PDE11A: variants seen among roughly 807,000 people sequenced by gnomAD.
PDE11A encodes the protein dual 3',5'-cyclic-AMP and -GMP phosphodiesterase 11A.
In PDE11A, 100 loss-of-function variants were observed where a neutral mutation model predicts 100.5. The observed-to-expected ratio is 1.00, with a 90% CI of 0.85 to 1.18. The LOEUF is 1.18. PDE11A is among the 50% of genes most tolerant of loss of function. PDE11A has a pLI of 0.00. For synonymous variants in PDE11A, 381 were observed against 420.8 expected, an observed-to-expected ratio of 0.91 and a Z score of 1.16; for missense variants, 1,141 against 1,152.6, an observed-to-expected ratio of 0.99 and a Z score of 0.15.
chr2:177,675,934 G>C lies in PDE11A; in HGVS notation c.2424-416C>G, dbSNP rs572987530. The C allele has an allele frequency of 1.5e-5, 5 of 323,698 alleles. No homozygotes were observed. In the East Asian group the frequency reaches 3.2e-4, roughly 20 times the overall value. The allele number at this position is 323,698 out of a possible 1,614,324, so 20.1% of individuals were successfully genotyped here. A position where few individuals can be genotyped will look rare whatever the true frequency, so the allele number is the denominator to read the frequency against. On this transcript the variant is annotated intron_variant, in intron 16 of 19. Transcript: ENST00000286063. ...ACTACTTACCAACTTATCATTGATT[G>C]ATGGGAACAAAAGAAAACCCACACC...
intron 2 of PDE11A, among the ~76,000 whole-genome samples, chr2:177,953,457 T>C (rs191642398): frequency 7.0e-4 from 107 of 152,252 alleles, no homozygotes; most frequent in Non-Finnish European, 1.4e-3. Flanking sequence ...AAAGTGAATA[T>C]CCTGTTTTTA....
At chr2:177,681,444 C>T (rs184921641) in intron 15 of PDE11A, among the ~76,000 whole-genome samples, 3 of 152,094 alleles carry the variant, frequency 2.0e-5, no homozygotes, top group Non-Finnish European at 4.4e-5. Context: ...TTTAAACACT[C>T]GCTCAGCAAC....
chr2:177,942,345 C>T lies in PDE11A; in HGVS notation c.1072-37158G>A, dbSNP rs930855495. ...AACAGGACCTGGCACCTAACAAGTG[C>T]CCAGCAAATGTTAGCTATTATTCCT... On this transcript the variant is annotated intron_variant, in intron 2 of 19. Coordinates refer to ENST00000286063, the MANE Select transcript of PDE11A (RefSeq NM_016953.4). 1.5e-4 allele frequency among the ~76,000 whole-genome samples: 23 copies of T among 152,102 alleles called. 1 individual carries two copies. Among genetic ancestry groups the T allele is most frequent in the Non-Finnish European group, 2.5e-4 (17 of 68,024 alleles).
At chr2:177,743,111 G>A (rs529012696) in intron 10 of PDE11A, among the ~76,000 whole-genome samples, 1 of 152,324 alleles carries the variant, frequency 6.6e-6, no homozygotes, top group African/African-American at 2.4e-5. Flanking sequence ...TGTTGAAAAT[G>A]ATTTTTCTTT....
intron 2 of PDE11A, among the ~76,000 whole-genome samples, chr2:177,945,562 G>T (rs2085403892): frequency 6.6e-6 from 1 of 151,166 alleles, no homozygotes; most frequent in Non-Finnish European, 1.5e-5. Context: ...CGTCTGAGAA[G>T]TGAGGAGACC....
At chr2:177,850,272 CAAGA>C (rs2105645960) in intron 5 of PDE11A, among the ~76,000 whole-genome samples, 1 of 152,218 alleles carries the variant, frequency 6.6e-6, no homozygotes, top group East Asian at 1.9e-4. Flanking sequence ...CTGAGAAAAA[CAAGA>C]AATGGGGAAA....
intron 2 of PDE11A, among the ~76,000 whole-genome samples, chr2:177,917,287 C>A (rs750655682): frequency 9.2e-5 from 14 of 152,148 alleles, no homozygotes; most frequent in Non-Finnish European, 1.5e-4. Flanking sequence ...AATTCAGGAG[C>A]TTTTGAAACT....
At chr2:177,966,689 T>C (rs949191969) in intron 2 of PDE11A, among the ~76,000 whole-genome samples, 10 of 152,230 alleles carry the variant, frequency 6.6e-5, no homozygotes, top group African/African-American at 2.4e-4. Flanking sequence ...CAACTTTGCA[T>C]CCCAGAAATA....
chr2:178,078,216 CT>C (rs1032267000), intron 2 of PDE11A, among the ~76,000 whole-genome samples: 4 of 151,850 alleles, frequency 2.6e-5, no homozygotes, highest in African/African-American at 9.7e-5. Flanking sequence ...CCATTAACAC[CT>C]ATTTCAAATG....
intron 2 of PDE11A, among the ~76,000 whole-genome samples, chr2:177,918,681 A>T (rs1322992446): frequency 1.3e-5 from 2 of 152,172 alleles, no homozygotes; most frequent in African/African-American, 4.8e-5. Flanking sequence ...TATAATAGAC[A>T]TTTTTTGCCA....
chr2:177,793,471 A>G (rs2082659876), intron 9 of PDE11A, among the ~76,000 whole-genome samples: 1 of 150,310 alleles, frequency 6.7e-6, no homozygotes, highest in Non-Finnish European at 1.5e-5. Flanking sequence ...TGGGAGGGAA[A>G]ACAGTGGCTG....
chr2:177,857,295 A>G lies in PDE11A; in HGVS notation c.1368-16912T>C, dbSNP rs534133913. ...TAGACCTGTCCTGTAAGAAATACAA[A>G]AAGAAAAGCCTTCAGGCTGAAATGA... On this transcript the variant is annotated intron_variant, in intron 5 of 19. Transcript: ENST00000286063. 6.6e-5 allele frequency among the ~76,000 whole-genome samples: 10 copies of G among 152,104 alleles called. No individual in the cohort carries two copies. In the South Asian group the frequency reaches 1.9e-3, roughly 28 times the overall value.
intron 6 of PDE11A, 30 bp from the exon 7 acceptor site, chr2:177,820,325 T>C (rs779738864): frequency 4.3e-6 from 5 of 1,155,292 alleles, no homozygotes; most frequent in Non-Finnish European, 6.5e-6. Context: ...TTAATTAAAA[T>C]TGAATATTAA....
rs202225715 is a variant in PDE11A at position 177,686,697 on chromosome 2, A to ATTTTTTTTT, written c.2346-5803_2346-5795dup. 23 of 124,062 alleles carry ATTTTTTTTT rather than the reference A, an allele frequency of 1.9e-4. 2 individuals carry two copies. The highest frequency in any genetic ancestry group is 7.1e-4 in the African/African-American group (22 of 31,156). 7.7% of individuals were successfully genotyped at this position (124,062 alleles called of 1,614,324 possible). Reference sequence around the variant, plus strand: ...AAAGTTTAAACCAAAGTACATGTAAATTTTTTTTTTTTTTTTTTTTTTTTT... The same window carrying ATTTTTTTTT: ...AAAGTTTAAACCAAAGTACATGTAAATTTTTTTTTTTTTTTTTTTTTTTTTTTTTTTTTT... On this transcript the variant is annotated intron_variant, in intron 15 of 19. Coordinates refer to ENST00000286063, the MANE Select transcript of PDE11A (RefSeq NM_016953.4).
chr2:177,972,173 A>G (rs773719255), intron 2 of PDE11A, among the ~76,000 whole-genome samples: 5 of 152,228 alleles, frequency 3.3e-5, no homozygotes, highest in African/African-American at 4.8e-5. Flanking sequence ...AAGGAAAAAG[A>G]CCACTTAAAA....
In PDE11A at chr2:177,861,275, T is replaced by A. The variant is rs571413103; in HGVS notation, c.1367+14584A>T. ...GATCAATATACAAAACTCAGCTGTATTTCTACACACTAACATTGAACAAAT... is the reference window on the plus strand; with the variant it reads ...GATCAATATACAAAACTCAGCTGTAATTCTACACACTAACATTGAACAAAT... On this transcript the variant is annotated intron_variant, in intron 5 of 19. Transcript: ENST00000286063. Among the ~76,000 whole-genome samples the A allele has an allele frequency of 3.9e-5, 6 of 151,936 alleles. 1 individual carries two copies. The South Asian group carries it at 1.2e-3, about 31-fold the overall frequency.
rs547684810 is a variant in PDE11A, at chr2:178,054,615, T to C, written c.912+16911A>G. On this transcript the variant is annotated intron_variant, in intron 1 of 19. Coordinates refer to ENST00000286063, the MANE Select transcript of PDE11A (RefSeq NM_016953.4). The stretch of plus-strand genomic sequence containing the variant: ...ATCTACCCATCTGATAAAGGGCTAA[T>C]ATCCAGAATCTACAAAGAACTTAAA... Among the ~76,000 whole-genome samples the C allele has an allele frequency of 2.4e-4, 36 of 152,332 alleles. No homozygotes were observed. The Middle Eastern group carries it at 0.01, about 43-fold the overall frequency.
chr2:178,012,865 C>T (rs1187035038), intron 2 of PDE11A, among the ~76,000 whole-genome samples: 13 of 152,142 alleles, frequency 8.5e-5, no homozygotes, highest in Admixed American at 8.5e-4. Context: ...TGGAAAGACG[C>T]AAAACCCACA....
chr2:177,804,228 A>G (rs1319705221), intron 9 of PDE11A, among the ~76,000 whole-genome samples: 1 of 152,090 alleles, frequency 6.6e-6, no homozygotes, highest in East Asian at 1.9e-4. Context: ...GCTAACATCC[A>G]GAATCCATAA....
Sources: gnomAD v4.1 joint callset for allele counts (sites outside exome capture counted in the v4.1 genomes callset) on GRCh38, gnomAD v4.1.1 for gene constraint, MANE v1.5 for transcripts, NCBI Gene and HGNC (gene_info 2026-07-23, HGNC 2026-07-21) for gene names.